The following ROBO2 variants were observed in gnomAD, a reference collection of about 807,000 sequenced individuals.
ROBO2 encodes the protein roundabout homolog 2.
A neutral mutation model predicts 160.8 loss-of-function variants in ROBO2; 53 were observed. The ratio of observed to expected loss-of-function variants is 0.33; its 90% CI spans 0.26 to 0.41. The LOEUF is 0.41. Ranked by LOEUF, ROBO2 falls within the 10% of genes least tolerant of loss-of-function variation. The pLI is 1.00. For synonymous variants in ROBO2, 664 were observed against 611.7 expected, an observed-to-expected ratio of 1.09 and a Z score of -1.26; for missense variants, 1,577 against 1,722.4, an observed-to-expected ratio of 0.92 and a Z score of 1.49.
At chr3:76,391,699 C>T (rs184043572) in intron 2 of ROBO2, among the ~76,000 whole-genome samples, 4 of 152,032 alleles carry the variant, frequency 2.6e-5, no homozygotes, top group Non-Finnish European at 5.9e-5. Context: ...TTAGTAGAGA[C>T]GGGGTTTCAC....
intron 2 of ROBO2, chr3:76,434,562 T>A: frequency 1.9e-6 from 3 of 1,588,552 alleles, no homozygotes; most frequent in Non-Finnish European, 2.6e-6. Flanking sequence ...TATTTAAGTA[T>A]ACGGACAGAG....
At chr3:77,308,065 A>G (rs775513903) in intron 2 of ROBO2, among the ~76,000 whole-genome samples, 1 of 151,610 alleles carries the variant, frequency 6.6e-6, no homozygotes, top group Admixed American at 6.6e-5. Context: ...ACAATATATG[A>G]GTTTTTACCT....
At chr3:77,086,999 C>T (rs77933538) in intron 1 of ROBO2, among the ~76,000 whole-genome samples, 2 of 152,100 alleles carry the variant, frequency 1.3e-5, no homozygotes, top group East Asian at 3.9e-4. Context: ...CAAAGCTTAG[C>T]ACACACATGC....
chr3:76,280,848 A>C (rs1298821660), intron 2 of ROBO2, among the ~76,000 whole-genome samples: 5 of 151,942 alleles, frequency 3.3e-5, no homozygotes, highest in Admixed American at 1.3e-4. Flanking sequence ...GTGCACATTT[A>C]AACAAATGCC....
intron 2 of ROBO2, among the ~76,000 whole-genome samples, chr3:76,575,493 G>T (rs760762387): frequency 1.5e-4 from 23 of 151,830 alleles, no homozygotes; most frequent in Non-Finnish European, 3.1e-4. Context: ...TGTTCAAACT[G>T]GTTAGCAAGG....
intron 2 of ROBO2, among the ~76,000 whole-genome samples, chr3:76,306,651 C>T (rs531464622): frequency 8.6e-4 from 131 of 152,132 alleles, no homozygotes; most frequent in South Asian, 3.9e-3. Context: ...TCCCATTATT[C>T]TTTGTATTTA....
At chr3:77,414,120 C>T (rs2077020739) in intron 2 of ROBO2, among the ~76,000 whole-genome samples, 1 of 152,050 alleles carries the variant, frequency 6.6e-6, no homozygotes, top group Non-Finnish European at 1.5e-5. Flanking sequence ...AAAACCGTAG[C>T]TAGTAGGCAG....
chr3:76,804,921 A>G (rs1248320178), intron 2 of ROBO2, among the ~76,000 whole-genome samples: 1 of 152,180 alleles, frequency 6.6e-6, no homozygotes, highest in Non-Finnish European at 1.5e-5. Flanking sequence ...AAGGTAGTAT[A>G]AGGAAAAATT....
At chr3:76,501,156 A>C (rs921059504) in intron 2 of ROBO2, among the ~76,000 whole-genome samples, 3 of 152,210 alleles carry the variant, frequency 2.0e-5, no homozygotes, top group Non-Finnish European at 4.4e-5. Flanking sequence ...AGATTTTATC[A>C]GTTTGAAGGT....
chr3:76,411,251 T>C (rs2075471154), intron 2 of ROBO2, among the ~76,000 whole-genome samples: 1 of 152,074 alleles, frequency 6.6e-6, no homozygotes, highest in Non-Finnish European at 1.5e-5. Context: ...ATATCAAGGT[T>C]TCTATCATGG....
intron 2 of ROBO2, among the ~76,000 whole-genome samples, chr3:77,237,411 TTGTGTGTGTGTGTGTG>T (rs71104662): frequency 3.1e-5 from 4 of 131,044 alleles, no homozygotes; most frequent in Admixed American, 8.1e-5. Flanking sequence ...TTGTTTTGTT[TTGTGTGTGTGTGTGTG>T]TGTGTGTGTG....
chr3:76,146,901 CAT>C (rs1446498630), intron 2 of ROBO2, among the ~76,000 whole-genome samples: 20 of 149,904 alleles, frequency 1.3e-4, no homozygotes, highest in African/African-American at 4.9e-4. Flanking sequence ...CACACACACA[CAT>C]ACACACACAC....
At chr3:76,627,482 A>G (rs1416195852) in intron 2 of ROBO2, among the ~76,000 whole-genome samples, 1 of 152,228 alleles carries the variant, frequency 6.6e-6, no homozygotes, top group East Asian at 1.9e-4. Flanking sequence ...TAGCATGCAG[A>G]TGATGGCTGC....
chr3:76,927,613 AC>A, intron 2 of ROBO2, among the ~76,000 whole-genome samples: 1 of 152,308 alleles, frequency 6.6e-6, no homozygotes, highest in African/African-American at 2.4e-5. Flanking sequence ...TTTCATTGAA[AC>A]CTTTTCAACT....
chr3:76,541,051 C>T (rs200922452), intron 2 of ROBO2, among the ~76,000 whole-genome samples: 12 of 152,154 alleles, frequency 7.9e-5, no homozygotes, highest in African/African-American at 2.7e-4. Context: ...CTGCCCGCCT[C>T]GGCCTCCCAG....
chr3:77,386,876 T>A (rs887543227), intron 2 of ROBO2, among the ~76,000 whole-genome samples: 1 of 151,984 alleles, frequency 6.6e-6, no homozygotes, highest in Non-Finnish European at 1.5e-5. Flanking sequence ...GTGCTGGGAT[T>A]ATAGGCATGA....
chr3:76,511,255 C>T (rs150844817), intron 2 of ROBO2, among the ~76,000 whole-genome samples: 131 of 152,212 alleles, frequency 8.6e-4, no homozygotes, highest in African/African-American at 2.8e-3. Flanking sequence ...CAAAATTTTG[C>T]GTCCTTACTA....
chr3:76,293,270 AG>A (rs530421830), intron 2 of ROBO2, among the ~76,000 whole-genome samples: 3 of 152,328 alleles, frequency 2.0e-5, no homozygotes, highest in African/African-American at 7.2e-5. Context: ...GCCCTTCTAA[AG>A]GGCAAAATAA....
At chr3:76,066,903 T>C (rs4624567) in intron 2 of ROBO2, among the ~76,000 whole-genome samples, 100,701 of 152,052 alleles carry the variant, frequency 0.66, 33,969 homozygotes, top group African/African-American at 0.79. Flanking sequence ...TTTTGGAATC[T>C]GGCTGTTATC....
Sources: gnomAD v4.1 joint callset for allele counts (sites outside exome capture counted in the v4.1 genomes callset) on GRCh38, gnomAD v4.1.1 for gene constraint, MANE v1.5 for transcripts, NCBI Gene and HGNC (gene_info 2026-07-23, HGNC 2026-07-21) for gene names.